EPHA3: variants seen among roughly 807,000 people sequenced by gnomAD.
EPHA3 encodes the protein ephrin type-A receptor 3.
EPHA3 carries 42 observed loss-of-function variants against 107.1 expected under a neutral mutation model. The observed-to-expected ratio is 0.39, with a 90% CI of 0.31 to 0.51. The LOEUF is 0.51. Ranked by LOEUF, EPHA3 falls within the 20% of genes least tolerant of loss-of-function variation. EPHA3 has a pLI of 0.78. For missense variants in EPHA3, 1,183 were observed against 1,211.2 expected, an observed-to-expected ratio of 0.98 and a Z score of 0.35; for synonymous variants, 461 against 424.8, an observed-to-expected ratio of 1.09 and a Z score of -1.05.
rs1207783975 is a variant in EPHA3, at chr3:89,400,617, A to ATG, written c.1594+1152_1594+1153dup. Reference sequence around the variant, plus strand: ...AAACTTGAAGAACAGATACATAATTATGTGTGTGTGTGTGTGAGCGTGTGT... The same window carrying ATG: ...AAACTTGAAGAACAGATACATAATTATGTGTGTGTGTGTGTGTGAGCGTGTGT... On this transcript the variant is annotated intron_variant, in intron 7 of 16. Coordinates refer to ENST00000336596, the MANE Select transcript of EPHA3 (RefSeq NM_005233.6). Among the ~76,000 whole-genome samples the ATG allele has an allele frequency of 1.1e-3, 166 of 146,850 alleles. 2 individuals carry two copies. Among genetic ancestry groups the ATG allele is most frequent in the South Asian group, 8.5e-3 (40 of 4,702 alleles).
chr3:89,260,122 G>A lies in EPHA3; in HGVS notation c.814+49602G>A, dbSNP rs1293788875. ...GTTTCCATTATCTTGGCTATTGTGA[G>A]TAATGCTGAAATGAACATGAGAGTA... On this transcript the variant is annotated intron_variant, in intron 3 of 16. Coordinates refer to ENST00000336596, the MANE Select transcript of EPHA3 (RefSeq NM_005233.6). Among the ~76,000 whole-genome samples, 3 of 152,298 alleles carry A rather than the reference G, an allele frequency of 2.0e-5. 1 individual carries two copies. The highest frequency in any genetic ancestry group is 2.0e-4 in the Admixed American group (3 of 15,302).
At chr3:89,238,144 T>C (rs537338994) in intron 3 of EPHA3, among the ~76,000 whole-genome samples, 49 of 152,180 alleles carry the variant, frequency 3.2e-4, no homozygotes, top group Non-Finnish European at 7.2e-4. Flanking sequence ...AATCTTTAAA[T>C]AACGGGTATT....
At chr3:89,278,785 A>C (rs1183064212) in intron 3 of EPHA3, among the ~76,000 whole-genome samples, 1 of 152,204 alleles carries the variant, frequency 6.6e-6, no homozygotes, top group Non-Finnish European at 1.5e-5. Flanking sequence ...ATTGCCCCAG[A>C]GGTTTGCCTT....
chr3:89,228,752 C>T (rs560558695), intron 3 of EPHA3, among the ~76,000 whole-genome samples: 77 of 151,810 alleles, frequency 5.1e-4, no homozygotes, highest in Non-Finnish European at 1.0e-4. Context: ...TATGTAAGGA[C>T]GTATGAATGG....
At chr3:89,218,532 A>G (rs1454385914) in intron 3 of EPHA3, among the ~76,000 whole-genome samples, 3 of 151,892 alleles carry the variant, frequency 2.0e-5, no homozygotes, top group Non-Finnish European at 4.4e-5. Context: ...AATCCAGTCT[A>G]TCATTGTTGG....
chr3:89,298,202 T>TGG (rs1706405614), intron 3 of EPHA3, among the ~76,000 whole-genome samples: 2 of 152,142 alleles, frequency 1.3e-5, no homozygotes, highest in Admixed American at 1.3e-4. Flanking sequence ...TCAGGAGATT[T>TGG]GGTCACACAT....
At chr3:89,301,237 T>C (rs1706481032) in intron 3 of EPHA3, among the ~76,000 whole-genome samples, 1 of 152,088 alleles carries the variant, frequency 6.6e-6, no homozygotes, top group Non-Finnish European at 1.5e-5. Context: ...TTCAAAAATA[T>C]TTTGAGTGTA....
rs542658693 is a variant in EPHA3, at chr3:89,351,605, C to G, written c.1306+9515C>G. Among the ~76,000 whole-genome samples the G allele has an allele frequency of 5.4e-4, 81 of 151,364 alleles. 1 individual carries two copies. The highest frequency in any genetic ancestry group is 1.7e-3 in the South Asian group (8 of 4,810). Reference sequence around the variant, plus strand: ...CGTCGCTCACGCTGGGAGCTGTAGACCGGAGCTGTTCCTATTCGGCCATCT... The same window carrying G: ...CGTCGCTCACGCTGGGAGCTGTAGAGCGGAGCTGTTCCTATTCGGCCATCT... On this transcript the variant is annotated intron_variant, in intron 5 of 16. Transcript: ENST00000336596.
At chr3:89,450,456 A>C in intron 15 of EPHA3, 86 bp downstream of exon 15, 1 of 1,315,426 alleles carries the variant, frequency 7.6e-7, no homozygotes, top group Non-Finnish European at 1.1e-6. Context: ...GCCCACCCCC[A>C]AAATGCATTA....
intron 2 of EPHA3, among the ~76,000 whole-genome samples, chr3:89,165,961 A>G (rs1235613719): frequency 6.6e-6 from 1 of 152,186 alleles, no homozygotes; most frequent in African/African-American, 2.4e-5. Context: ...TTTAGATGCT[A>G]TCATCATCTT....
intron 3 of EPHA3, among the ~76,000 whole-genome samples, chr3:89,213,884 T>C (rs1262682187): frequency 2.0e-5 from 3 of 152,024 alleles, no homozygotes; most frequent in Non-Finnish European, 4.4e-5. Context: ...AAATGACAGC[T>C]GTCTATTTCC....
intron 3 of EPHA3, among the ~76,000 whole-genome samples, chr3:89,310,816 A>G (rs1706747936): frequency 6.6e-6 from 1 of 152,004 alleles, no homozygotes; most frequent in Non-Finnish European, 1.5e-5. Context: ...TGGAATGCGG[A>G]TGTTTTATGA....
At chr3:89,144,297 G>A (rs752700899) in intron 2 of EPHA3, among the ~76,000 whole-genome samples, 3 of 151,536 alleles carry the variant, frequency 2.0e-5, no homozygotes, top group Non-Finnish European at 4.4e-5. Context: ...CGTTTTCCCT[G>A]TCAGAATGTC....
At position 89,210,039 on chromosome 3, in the gene EPHA3, G is replaced by C. The variant is rs757955810; in HGVS notation, c.333G>C (p.Leu111Phe). 2.5e-6 allele frequency: 4 copies of C among 1,614,004 alleles called. No individual in the cohort carries two copies. In the South Asian group the frequency reaches 4.4e-5, roughly 18 times the overall value. The part of the protein sequence containing the change: ...FTLRDCNSIP[L>F]VLGTCKETFN... ...TACGAGACTGCAATAGCATTCCATTGGTTTTAGGAACTTGCAAGGAGACAT... is the reference window on the plus strand; with the variant it reads ...TACGAGACTGCAATAGCATTCCATTCGTTTTAGGAACTTGCAAGGAGACAT... The change falls in exon 3 of 17, where the codon TTG (leucine) becomes TTC (phenylalanine). Residue 111 changes from leucine (L) to phenylalanine (F), a missense_variant. By Grantham distance (22) the Leu-to-Phe change is conservative. Transcript: ENST00000336596.
intron 2 of EPHA3, among the ~76,000 whole-genome samples, chr3:89,200,199 C>A (rs1336233312): frequency 6.6e-6 from 1 of 152,066 alleles, no homozygotes; most frequent in Non-Finnish European, 1.5e-5. Flanking sequence ...GAAATGGAGT[C>A]TACATTGGAC....
At chr3:89,471,326 G>C (rs1369915010) in intron 15 of EPHA3, among the ~76,000 whole-genome samples, 3 of 151,962 alleles carry the variant, frequency 2.0e-5, no homozygotes, top group Admixed American at 2.0e-4. Flanking sequence ...AGATGTTTAG[G>C]CCTGTATTTA....
intron 2 of EPHA3, among the ~76,000 whole-genome samples, chr3:89,164,210 T>C (rs576898208): frequency 6.6e-6 from 1 of 152,176 alleles, no homozygotes; most frequent in Non-Finnish European, 1.5e-5. Context: ...AGAAGAAGAA[T>C]AATTGTCTTT....
chr3:89,477,211 C>T (rs1288371948), intron 16 of EPHA3, among the ~76,000 whole-genome samples: 1 of 152,154 alleles, frequency 6.6e-6, no homozygotes, highest in Non-Finnish European at 1.5e-5. Flanking sequence ...CAAGTGAAGG[C>T]TTCCATCATC....
intron 3 of EPHA3, among the ~76,000 whole-genome samples, chr3:89,262,502 G>A (rs923613120): frequency 6.6e-6 from 1 of 152,200 alleles, no homozygotes; most frequent in Non-Finnish European, 1.5e-5. Flanking sequence ...CAGTGTGTGA[G>A]CATTTTCCTG....
Sources: gnomAD v4.1 joint callset for allele counts (sites outside exome capture counted in the v4.1 genomes callset) on GRCh38, gnomAD v4.1.1 for gene constraint, MANE v1.5 for transcripts, NCBI Gene and HGNC (gene_info 2026-07-23, HGNC 2026-07-21) for gene names.